Variants in DOCK7 observed in about 807,000 individuals in gnomAD.
DOCK7 encodes the protein dedicator of cytokinesis 7.
Under a neutral mutation model 271.0 loss-of-function variants are expected in DOCK7, and 138 were observed. The ratio of observed to expected loss-of-function variants is 0.51; its 90% CI spans 0.44 to 0.59. The LOEUF (loss-of-function observed/expected upper bound fraction) is 0.59. Among genes scored for constraint, DOCK7 ranks in the 20% least tolerant of loss-of-function variants. The pLI, the probability that DOCK7 is intolerant of heterozygous loss-of-function variation, is 0.00. For missense variants in DOCK7, 2,066 were observed against 2,592.4 expected, an observed-to-expected ratio of 0.80 and a Z score of 4.41; for synonymous variants, 823 against 876.1, an observed-to-expected ratio of 0.94 and a Z score of 1.07.
At chr1:62,502,771 A>T (rs1250203296) in intron 37 of DOCK7, among the ~76,000 whole-genome samples, 1 of 149,268 alleles carries the variant, frequency 6.7e-6, no homozygotes, top group Non-Finnish European at 1.5e-5. Flanking sequence ...AATTTTTTTT[A>T]AAGGGGAGGC....
intron 20 of DOCK7, 64 bp downstream of exon 20, chr1:62,558,925 T>TA (rs1646231549): frequency 1.5e-6 from 2 of 1,332,366 alleles, no homozygotes; most frequent in South Asian, 2.7e-5. Context: ...TTTTTTTTTT[T>TA]AACAAAATTT....
intron 28 of DOCK7, among the ~76,000 whole-genome samples, chr1:62,537,264 G>T (rs997220935): frequency 6.6e-6 from 1 of 152,248 alleles, no homozygotes; most frequent in Non-Finnish European, 1.5e-5. Flanking sequence ...TTAAGTCTAT[G>T]AAAGGAATAT....
chr1:62,673,547 CAGAG>C (rs892872566), intron 1 of DOCK7, among the ~76,000 whole-genome samples: 1 of 152,010 alleles, frequency 6.6e-6, no homozygotes, highest in Non-Finnish European at 1.5e-5. Context: ...CAATTAAAAA[CAGAG>C]AGAAAAGAAA....
chr1:62,596,905 T>C (rs778180782), intron 14 of DOCK7, among the ~76,000 whole-genome samples: 14 of 152,140 alleles, frequency 9.2e-5, no homozygotes, highest in Admixed American at 2.6e-4. Flanking sequence ...ACTTACTATA[T>C]ATGGGATTTT....
chr1:62,548,933 G>A (rs925468346), intron 22 of DOCK7, among the ~76,000 whole-genome samples: 1 of 152,184 alleles, frequency 6.6e-6, no homozygotes, highest in African/African-American at 2.4e-5. Context: ...AAGCAGTTAA[G>A]TTTAGAACTC....
chr1:62,545,444 T>C (rs1020392825), intron 22 of DOCK7, among the ~76,000 whole-genome samples: 1 of 152,138 alleles, frequency 6.6e-6, no homozygotes, highest in Non-Finnish European at 1.5e-5. Context: ...TTCTTTGTTA[T>C]AAACTTTAAT....
chr1:62,675,481 C>T lies in DOCK7; in HGVS notation c.39-12351G>A, dbSNP rs557781787. On this transcript the variant is annotated intron_variant, in intron 1 of 49. Coordinates refer to ENST00000635253, the MANE Select transcript of DOCK7 (RefSeq NM_001367561.1). ...CAGATACGTGAGTGGCTAATAAGCA[C>T]ATAAAAAAGGTCACTAGTTGGCCAG... Among the ~76,000 whole-genome samples the T allele has an allele frequency of 2.6e-5, 4 of 152,192 alleles. No homozygotes were observed. The East Asian group carries it at 5.8e-4, about 22-fold the overall frequency.
chr1:62,481,535 T>A (rs1646126582), intron 43 of DOCK7: 1 of 152,096 alleles, frequency 6.6e-6, no homozygotes. Context: ...CTGTTTTTCT[T>A]TTGAATTAAA....
intron 31 of DOCK7, among the ~76,000 whole-genome samples, chr1:62,523,402 T>C (rs1378426868): frequency 6.6e-6 from 1 of 152,132 alleles, no homozygotes; most frequent in Non-Finnish European, 1.5e-5. Context: ...ACTTACACTG[T>C]ATATAAAAAA....
At chr1:62,569,555 C>T (rs1487868807) in intron 18 of DOCK7, among the ~76,000 whole-genome samples, 1 of 152,108 alleles carries the variant, frequency 6.6e-6, no homozygotes, top group Non-Finnish European at 1.5e-5. Context: ...TGTTAAAACT[C>T]CCAATAAACT....
chr1:62,622,022 C>T (rs559325696), intron 12 of DOCK7, among the ~76,000 whole-genome samples: 1 of 152,328 alleles, frequency 6.6e-6, no homozygotes, highest in East Asian at 1.9e-4. Context: ...GGCCTGGCCA[C>T]ATGCCTTGCT....
chr1:62,670,050 G>A (rs1384759551), intron 1 of DOCK7, among the ~76,000 whole-genome samples: 2 of 152,268 alleles, frequency 1.3e-5, no homozygotes, highest in Non-Finnish European at 2.9e-5. Context: ...GCTGCGGAGG[G>A]TGTACTGGGT....
intron 8 of DOCK7, 81 bp from the exon 9 acceptor site, chr1:62,635,003 C>A: frequency 2.2e-6 from 2 of 889,512 alleles, no homozygotes; most frequent in Non-Finnish European, 3.3e-6. Context: ...GCTTCTGCTA[C>A]TTACTTTTAG....
intron 8 of DOCK7, 163 bp from the exon 9 acceptor site, chr1:62,635,085 A>C: frequency 2.3e-6 from 1 of 430,668 alleles, no homozygotes; most frequent in Non-Finnish European, 4.1e-6. Context: ...AATCTTAATA[A>C]ATTAAATTTC....
intron 12 of DOCK7, among the ~76,000 whole-genome samples, chr1:62,623,606 A>G (rs977234696): frequency 6.6e-6 from 1 of 152,242 alleles, no homozygotes; most frequent in African/African-American, 2.4e-5. Context: ...AAATACCAAC[A>G]GAAGTGGTGT....
chr1:62,538,434 T>C (rs1645420683), intron 27 of DOCK7, among the ~76,000 whole-genome samples: 1 of 152,214 alleles, frequency 6.6e-6, no homozygotes, highest in Non-Finnish European at 1.5e-5. Flanking sequence ...TATTTATAAT[T>C]TGTCTGTTTT....
At chr1:62,522,344 G>A (rs1257954867) in intron 31 of DOCK7, among the ~76,000 whole-genome samples, 1 of 152,090 alleles carries the variant, frequency 6.6e-6, no homozygotes, top group Non-Finnish European at 1.5e-5. Flanking sequence ...ACACAACTAT[G>A]AAGAAGTTGA....
intron 1 of DOCK7, among the ~76,000 whole-genome samples, chr1:62,678,009 T>C (rs945853896): frequency 6.6e-6 from 1 of 152,150 alleles, no homozygotes; most frequent in African/African-American, 2.4e-5. Context: ...ACACCTGTAG[T>C]TCTAGCTACT....
chr1:62,597,585 CT>C (rs1316616797), intron 14 of DOCK7: 1 of 1,612,688 alleles, frequency 6.2e-7, no homozygotes, highest in East Asian at 2.2e-5. Flanking sequence ...AATTAAGCTC[CT>C]TCTTTTTATT....
Sources: gnomAD v4.1 joint callset for allele counts (sites outside exome capture counted in the v4.1 genomes callset) on GRCh38, gnomAD v4.1.1 for gene constraint, MANE v1.5 for transcripts, NCBI Gene and HGNC (gene_info 2026-07-23, HGNC 2026-07-21) for gene names.